Variants in CTNNA2 observed in about 807,000 individuals in gnomAD.
CTNNA2 encodes catenin alpha 2.
Under a neutral mutation model 101.0 loss-of-function variants are expected in CTNNA2, and 42 were observed. The ratio of observed to expected loss-of-function variants is 0.42; its 90% CI spans 0.32 to 0.54. The LOEUF (loss-of-function observed/expected upper bound fraction) is 0.54. Ranked by LOEUF, CTNNA2 falls within the 20% of genes least tolerant of loss-of-function variation. CTNNA2 has a pLI of 0.14. For synonymous variants in CTNNA2, 450 were observed against 456.4 expected (o/e 0.99, Z 0.18); for missense variants, 871 against 1,223.1 (o/e 0.71, Z 4.29).
chr2:80,276,951 T>C (rs1240968371), intron 7 of CTNNA2, among the ~76,000 whole-genome samples: 1 of 152,154 alleles, frequency 6.6e-6, no homozygotes, highest in Non-Finnish European at 1.5e-5. Context: ...TACAAGACTA[T>C]TGCTACTTTA....
At chr2:79,393,178 G>A (rs556314768) in intron 4 of CTNNA2, among the ~76,000 whole-genome samples, 34 of 152,264 alleles carry the variant, frequency 2.2e-4, no homozygotes, top group African/African-American at 4.3e-4. Flanking sequence ...CTCAAGCACC[G>A]TCCCATCCTT....
intron 3 of CTNNA2, among the ~76,000 whole-genome samples, chr2:79,830,741 G>C (rs1678866100): frequency 6.6e-6 from 1 of 152,132 alleles, no homozygotes; most frequent in South Asian, 2.1e-4. Context: ...GCTGTAAAAA[G>C]AATGGGCCTG....
At chr2:79,825,441 A>T (rs1678358838) in intron 3 of CTNNA2, among the ~76,000 whole-genome samples, 1 of 152,066 alleles carries the variant, frequency 6.6e-6, no homozygotes, top group African/African-American at 2.4e-5. Flanking sequence ...AGTGTGGTGT[A>T]TATAAAATAT....
intron 7 of CTNNA2, among the ~76,000 whole-genome samples, chr2:80,342,477 G>C (rs1028356634): frequency 1.3e-5 from 2 of 152,166 alleles, no homozygotes; most frequent in Non-Finnish European, 2.9e-5. Context: ...GATTGGCTTT[G>C]CCAGGGAGCA....
intron 7 of CTNNA2, among the ~76,000 whole-genome samples, chr2:80,210,016 T>C (rs532050646): frequency 9.2e-5 from 14 of 152,184 alleles, no homozygotes; most frequent in Non-Finnish European, 2.1e-4. Context: ...ACTTTTCCCT[T>C]GCAAGAATAA....
intron 4 of CTNNA2, among the ~76,000 whole-genome samples, chr2:79,406,714 G>C (rs184973620): frequency 1.3e-5 from 2 of 151,892 alleles, no homozygotes; most frequent in South Asian, 2.1e-4. Context: ...TCAAATCTTT[G>C]AGTTAATGTT....
At chr2:79,480,094 A>T (rs1045932541) in intron 4 of CTNNA2, among the ~76,000 whole-genome samples, 9 of 152,064 alleles carry the variant, frequency 5.9e-5, no homozygotes, top group Non-Finnish European at 1.3e-4. Flanking sequence ...GCATATGCAG[A>T]GGTCACCTGG....
chr2:79,961,496 G>A (rs1689621421), intron 7 of CTNNA2, among the ~76,000 whole-genome samples: 1 of 152,156 alleles, frequency 6.6e-6, no homozygotes, highest in Non-Finnish European at 1.5e-5. Flanking sequence ...AGAGCAGTAT[G>A]CAAATTAGCG....
intron 2 of CTNNA2, among the ~76,000 whole-genome samples, chr2:79,250,327 A>G (rs1572998919): frequency 1.3e-5 from 2 of 152,268 alleles, no homozygotes; most frequent in Admixed American, 1.3e-4. Context: ...GGGCTCCAGC[A>G]TATTCACAGT....
rs534930957 is a variant in CTNNA2, at chr2:80,051,872, C to A, written c.1056+142075C>A. 3.9e-5 allele frequency among the ~76,000 whole-genome samples: 6 copies of A among 152,234 alleles called. No individual in the cohort carries two copies. In the South Asian group the frequency reaches 1.2e-3, roughly 32 times the overall value. ...GGGAGCAATGCCATGTCTCTGATGT[C>A]CCCCAGCACAAAGATGCAAAAGTAC... On this transcript the variant is annotated intron_variant, in intron 7 of 18. Transcript: ENST00000402739.
intron 3 of CTNNA2, among the ~76,000 whole-genome samples, chr2:79,813,682 C>G (rs1407088708): frequency 2.6e-5 from 4 of 152,106 alleles, no homozygotes; most frequent in African/African-American, 9.7e-5. Flanking sequence ...ATTTAAATCA[C>G]AGGAGCAAAT....
chr2:79,975,746 G>A (rs928996267), intron 7 of CTNNA2, among the ~76,000 whole-genome samples: 39 of 152,368 alleles, frequency 2.6e-4, no homozygotes, highest in African/African-American at 9.1e-4. Context: ...TGGAAGACAT[G>A]TGTTAGGGCA....
chr2:79,453,641 T>C (rs559333440), intron 4 of CTNNA2, among the ~76,000 whole-genome samples: 17 of 152,304 alleles, frequency 1.1e-4, no homozygotes, highest in Admixed American at 3.3e-4. Context: ...AGCCAGTACT[T>C]TGCAGGACAA....
At chr2:79,204,538 A>G (rs1341609841) in intron 2 of CTNNA2, among the ~76,000 whole-genome samples, 1 of 152,216 alleles carries the variant, frequency 6.6e-6, no homozygotes, top group Non-Finnish European at 1.5e-5. Context: ...CCATGATGAA[A>G]TGAGTCTTTG....
intron 4 of CTNNA2, among the ~76,000 whole-genome samples, chr2:79,421,654 T>G (rs1678541591): frequency 6.6e-6 from 1 of 152,160 alleles, no homozygotes; most frequent in Non-Finnish European, 1.5e-5. Context: ...TTATTTGTAT[T>G]TAATTAGAAA....
At chr2:79,459,889 T>C (rs1469407845) in intron 4 of CTNNA2, among the ~76,000 whole-genome samples, 1 of 152,184 alleles carries the variant, frequency 6.6e-6, no homozygotes, top group African/African-American at 2.4e-5. Flanking sequence ...ATTATTAGCC[T>C]TTTTAAACAA....
intron 3 of CTNNA2, among the ~76,000 whole-genome samples, chr2:79,338,714 T>C (rs1409450190): frequency 2.0e-5 from 3 of 151,580 alleles, no homozygotes; most frequent in East Asian, 1.9e-4. Context: ...ATGGAGACAC[T>C]ATAGGAACCC....
intron 4 of CTNNA2, among the ~76,000 whole-genome samples, chr2:79,462,212 T>C (rs369085365): frequency 3.9e-5 from 6 of 152,234 alleles, no homozygotes; most frequent in African/African-American, 9.6e-5. Flanking sequence ...TGTCAACTTG[T>C]TATTTTTATG....
intron 1 of CTNNA2, among the ~76,000 whole-genome samples, chr2:79,645,357 G>A (rs749129179): frequency 6.6e-5 from 10 of 151,600 alleles, no homozygotes; most frequent in South Asian, 4.1e-4. Flanking sequence ...ATTTATAAAC[G>A]GGAGGTAATA....
Sources: gnomAD v4.1 joint callset for allele counts (sites outside exome capture counted in the v4.1 genomes callset) on GRCh38, gnomAD v4.1.1 for gene constraint, MANE v1.5 for transcripts, NCBI Gene and HGNC (gene_info 2026-07-23, HGNC 2026-07-21) for gene names.